The following CCDC57 variants were observed in gnomAD, a reference collection of about 807,000 sequenced individuals.
CCDC57 encodes coiled-coil domain-containing protein 57.
In CCDC57, 118 loss-of-function variants were observed where a neutral mutation model predicts 118.9. That is an observed-to-expected ratio of 0.99 (90% CI 0.86 to 1.16). CCDC57 has a LOEUF of 1.16. Ranked by LOEUF, CCDC57 falls within the 50% of genes most tolerant of loss-of-function variation. The pLI, the probability that CCDC57 is intolerant of heterozygous loss-of-function variation, is 0.00. For synonymous variants in CCDC57, 527 were observed against 532.9 expected (o/e 0.99, Z 0.15); for missense variants, 1,300 against 1,320.7 (o/e 0.98, Z 0.24).
intron 13 of CCDC57, among the ~76,000 whole-genome samples, chr17:82,170,860 G>C (rs551686082): frequency 2.2e-4 from 33 of 152,312 alleles, no homozygotes; most frequent in Admixed American, 6.6e-4. Context: ...GTCCACTAGA[G>C]GGAACAGAAG....
chr17:82,194,309 C>CT (rs10626911), intron 5 of CCDC57, 170 bp from the exon 5 acceptor site: 137,604 of 504,070 alleles, frequency 0.27, 7,905 homozygotes, highest in African/African-American at 0.39. Context: ...GACTCAATGA[C>CT]TTTTTTTTTT....
At chr17:82,173,171 G>C (rs545081246) in intron 11 of CCDC57, among the ~76,000 whole-genome samples, 24 of 152,304 alleles carry the variant, frequency 1.6e-4, no homozygotes, top group Admixed American at 3.9e-4. Flanking sequence ...TGGGGACAGA[G>C]CTTCAGTATG....
At chr17:82,140,186 C>T (rs1271405652) in intron 16 of CCDC57, among the ~76,000 whole-genome samples, 3 of 152,204 alleles carry the variant, frequency 2.0e-5, no homozygotes, top group African/African-American at 4.8e-5. Flanking sequence ...CCCCAGTTCA[C>T]GCCATTCTCC....
intron 8 of CCDC57, among the ~76,000 whole-genome samples, chr17:82,186,835 C>T (rs906625162): frequency 1.4e-4 from 21 of 151,902 alleles, no homozygotes; most frequent in Non-Finnish European, 1.5e-5. Context: ...CCAGCTACTG[C>T]GGAGGCTGAG....
At chr17:82,112,222 C>A (rs1359263939) in intron 19 of CCDC57, 1 of 152,312 alleles carries the variant, frequency 6.6e-6, no homozygotes, top group Non-Finnish European at 1.5e-5. Context: ...GATCTGCCCA[C>A]CTCGGCTTCC....
intron 13 of CCDC57, among the ~76,000 whole-genome samples, chr17:82,163,926 T>A (rs748834757): frequency 7.2e-5 from 11 of 151,950 alleles, no homozygotes; most frequent in Non-Finnish European, 1.6e-4. Flanking sequence ...TGTCATCTCA[T>A]CACGTTGGGA....
In CCDC57 at chr17:82,136,580, CA is replaced by C. The variant is rs761497406; in HGVS notation, c.2456-2387del. On this transcript the variant is annotated intron_variant, in intron 16 of 19. Coordinates refer to ENST00000665763, the Ensembl canonical transcript of CCDC57. ...ACAGTACATTTTATATGTATAGTAC[CA>C]AAAAAAAAAAAAAAAAAAGAAAACT... Among the ~76,000 whole-genome samples the C allele has an allele frequency of 7.4e-3, 600 of 80,778 alleles. 1 individual carries two copies. Among genetic ancestry groups the C allele is most frequent in the African/African-American group, 0.016 (368 of 23,700 alleles). The allele number at this position is 80,778 out of a possible 152,430, so 53.0% of individuals were successfully genotyped here. A position where few individuals can be genotyped will look rare whatever the true frequency, so the allele number is the denominator to read the frequency against.
chr17:82,125,358 G>A (rs1322345326), intron 19 of CCDC57, among the ~76,000 whole-genome samples: 1 of 151,804 alleles, frequency 6.6e-6, no homozygotes. Context: ...GGCAACATAG[G>A]GAGACACCAT....
chr17:82,201,338 T>G (rs2146900407), intron 3 of CCDC57, among the ~76,000 whole-genome samples, 200 bp downstream of exon 2: 1 of 152,336 alleles, frequency 6.6e-6, no homozygotes, highest in South Asian at 2.1e-4. Flanking sequence ...CCTGGATCCA[T>G]CCACATTAAC....
exon 19 of CCDC57, chr17:82,127,775 C>A (rs1391060267): frequency 6.2e-7 from 1 of 1,612,970 alleles, no homozygotes. Flanking sequence ...GAGGGTGCCA[C>A]TGGCAAAGGA....
intron 17 of CCDC57, among the ~76,000 whole-genome samples, chr17:82,132,118 C>CAAAAAAAAAA (rs58856013): frequency 3.9e-5 from 4 of 101,788 alleles, no homozygotes; most frequent in Non-Finnish European, 6.2e-5. Flanking sequence ...GACTCTGTCT[C>CAAAAAAAAAA]AAAAAAAAAA....
chr17:82,137,585 T>G (rs1163834808), intron 16 of CCDC57, among the ~76,000 whole-genome samples: 1 of 152,184 alleles, frequency 6.6e-6, no homozygotes, highest in Non-Finnish European at 1.5e-5. Context: ...CAGGTACCCA[T>G]GAGTCTTAAT....
At chr17:82,142,516 G>A (rs1382123095) in intron 16 of CCDC57, among the ~76,000 whole-genome samples, 1 of 151,984 alleles carries the variant, frequency 6.6e-6, no homozygotes, top group East Asian at 1.9e-4. Context: ...ATTTCACTGT[G>A]TTGGCCAGGT....
At position 82,172,729 on chromosome 17, in the gene CCDC57, G is replaced by A. The variant is rs1436935509; in HGVS notation, c.1638C>T (p.Ser546=). The stretch of plus-strand genomic sequence containing the variant: ...TCTGGATGGGAGGAGGAATCTGATG[G>A]CTTAGAGCCTCCATTTCTTTCCTCA... The change falls in exon 12 of 20, where the codon AGC becomes AGT. Residue 546 remains serine (S), a synonymous_variant. Coordinates refer to ENST00000665763, the Ensembl canonical transcript of CCDC57. The surrounding 1 kb of genome is among the most constrained non-coding windows in gnomAD (Gnocchi z 5.2). 3.1e-6 allele frequency: 5 copies of A among 1,597,656 alleles called. No individual in the cohort carries two copies. Among genetic ancestry groups the A allele is most frequent in the Non-Finnish European group, 4.3e-6 (5 of 1,172,234 alleles).
chr17:82,193,142 T>C (rs1442366744), intron 7 of CCDC57, among the ~76,000 whole-genome samples: 1 of 152,150 alleles, frequency 6.6e-6, no homozygotes, highest in African/African-American at 2.4e-5. Flanking sequence ...CACTGCAGCC[T>C]CAATCTCCCA....
chr17:82,151,720 C>T (rs2145858752), exon 16 of CCDC57: 1 of 1,550,358 alleles, frequency 6.5e-7, no homozygotes. Context: ...ACCGGAGGTG[C>T]AGGAAAAGCT....
At chr17:82,125,378 ATT>A (rs33998629) in intron 19 of CCDC57, among the ~76,000 whole-genome samples, 2 of 146,036 alleles carry the variant, frequency 1.4e-5, no homozygotes. Context: ...TCTCTACTAA[ATT>A]TTTTTTTTTT....
At chr17:82,101,768 T>C (rs1169922449) in exon 20 of CCDC57, 8 of 1,609,314 alleles carry the variant, frequency 5.0e-6, no homozygotes, top group Middle Eastern at 1.7e-4. Context: ...GCTCCTGTGG[T>C]CTTGGCCTTT....
chr17:82,162,655 G>A (rs79767983), intron 14 of CCDC57, among the ~76,000 whole-genome samples: 6 of 12,446 alleles, frequency 4.8e-4, no homozygotes, highest in Non-Finnish European at 8.8e-4. Flanking sequence ...CGGGCAGCCC[G>A]CACACACGCC....
Sources: gnomAD v4.1 joint callset for allele counts (sites outside exome capture counted in the v4.1 genomes callset) on GRCh38, gnomAD v4.1.1 for gene constraint, Gnocchi (gnomAD v3.1) non-coding constraint, MANE v1.5 for transcripts, NCBI Gene and HGNC (gene_info 2026-07-23, HGNC 2026-07-21) for gene names.